Variants in PKD1L3 observed in about 807,000 individuals in gnomAD.
The protein encoded by PKD1L3 is polycystin-1-like protein 3.
A neutral mutation model predicts 184.1 loss-of-function variants in PKD1L3; 239 were observed. That is an observed-to-expected ratio of 1.30 (90% CI 1.17 to 1.45). PKD1L3 has a LOEUF of 1.45. PKD1L3 is among the 40% of genes most tolerant of loss of function. The pLI is 0.00. For missense variants in PKD1L3, 2,660 were observed against 2,067.2 expected (o/e 1.29, Z -5.56); for synonymous variants, 996 against 778.8 (o/e 1.28, Z -4.64).
At chr16:71,947,696 T>C (rs1597300108) in intron 21 of PKD1L3, 105 bp from the exon 22 acceptor site, 1 of 724,538 alleles carries the variant, frequency 1.4e-6, no homozygotes, top group South Asian at 1.9e-5. Context: ...CTTCAATTAT[T>C]TGGCTCTTCA....
chr16:71,929,990 C>A, intron 29 of PKD1L3, 62 bp downstream of exon 29: 2 of 1,474,422 alleles, frequency 1.4e-6, no homozygotes, highest in South Asian at 2.6e-5. Context: ...ATCTTAGGGG[C>A]AGTTACAGTG....
intron 2 of PKD1L3, among the ~76,000 whole-genome samples, chr16:71,994,569 A>C (rs1376785540): frequency 6.6e-6 from 1 of 152,072 alleles, no homozygotes; most frequent in African/African-American, 2.4e-5. Context: ...AAAACCCAGC[A>C]ACTTATATTG....
intron 29 of PKD1L3, 162 bp from the exon 30 acceptor site, chr16:71,929,840 G>A (rs984607715): frequency 2.4e-5 from 23 of 947,692 alleles, no homozygotes; most frequent in Admixed American, 6.0e-5. Context: ...TAATGGTTGC[G>A]AGCCAACTAT....
chr16:71,978,291 T>C lies in PKD1L3; in HGVS notation c.1491A>G (p.Lys497=), dbSNP rs2040005633. 1 of 1,550,482 alleles carries C rather than the reference T, an allele frequency of 6.4e-7. No homozygotes were observed. The highest frequency in any genetic ancestry group is 8.7e-7 in the Non-Finnish European group (1 of 1,146,230). The change falls in exon 10 of 30, where the codon AAA becomes AAG. Residue 497 remains lysine, a synonymous_variant. Coordinates refer to ENST00000620267, the MANE Select transcript of PKD1L3 (RefSeq NM_181536.2). ...CCATTAAATCATGGACTTGGAGCAA[T>C]TTACGATTAGCGCTTAGTAACACAC... ...IGSVLLSANR[K]LLQVHDLMED... is the part of the protein sequence containing the mutation.
intron 16 of PKD1L3, among the ~76,000 whole-genome samples, chr16:71,956,861 CATAA>C (rs1253686601): frequency 1.3e-5 from 2 of 152,206 alleles, no homozygotes; most frequent in South Asian, 2.1e-4. Context: ...TAAACATACA[CATAA>C]ATAAATATAT....
At chr16:71,957,341 C>T (rs1011205944) in intron 16 of PKD1L3, among the ~76,000 whole-genome samples, 8 of 151,968 alleles carry the variant, frequency 5.3e-5, no homozygotes, top group African/African-American at 1.7e-4. Flanking sequence ...AGCAAAATGG[C>T]AGATATAAAC....
At chr16:71,953,517 C>T (rs1308345113) in intron 17 of PKD1L3, among the ~76,000 whole-genome samples, 2 of 150,480 alleles carry the variant, frequency 1.3e-5, no homozygotes, top group Non-Finnish European at 2.9e-5. Context: ...AAGCACCTTA[C>T]CTGGCATTAA....
chr16:71,954,350 G>C (rs1300760709), intron 16 of PKD1L3, 49 bp from the exon 17 acceptor site: 26 of 1,405,592 alleles, frequency 1.8e-5, no homozygotes, highest in Admixed American at 4.8e-5. Flanking sequence ...TATTCTGAAA[G>C]TGCACCAGTT....
At chr16:71,960,186 A>G (rs2039219709) in intron 16 of PKD1L3, among the ~76,000 whole-genome samples, 1 of 151,630 alleles carries the variant, frequency 6.6e-6, no homozygotes, top group South Asian at 2.1e-4. Context: ...AAAACCAAAA[A>G]AAACTACAAA....
chr16:71,982,263 C>A (rs1372693203), intron 6 of PKD1L3, 28 bp from the exon 7 acceptor site: 2 of 1,303,452 alleles, frequency 1.5e-6, no homozygotes, highest in Non-Finnish European at 2.0e-6. Context: ...CAAACATACA[C>A]CCTTGAATTG....
intron 29 of PKD1L3, 60 bp downstream of exon 29, chr16:71,929,992 G>A: frequency 6.7e-7 from 1 of 1,489,170 alleles, no homozygotes. Flanking sequence ...CTTAGGGGCA[G>A]TTACAGTGGA....
intron 21 of PKD1L3, among the ~76,000 whole-genome samples, chr16:71,948,981 GA>G (rs1387237601): frequency 2.1e-4 from 32 of 151,936 alleles, no homozygotes; most frequent in African/African-American, 7.2e-4. Context: ...AAAAGATACA[GA>G]ACAGTCTGTA....
intron 7 of PKD1L3, 51 bp from the exon 8 acceptor site, chr16:71,980,185 G>C: frequency 6.6e-7 from 1 of 1,526,228 alleles, no homozygotes; most frequent in Non-Finnish European, 8.9e-7. Flanking sequence ...AGTGTCTTAT[G>C]TTAGTAAAAT....
chr16:71,969,846 C>A, intron 13 of PKD1L3, 29 bp downstream of exon 13: 1 of 1,520,832 alleles, frequency 6.6e-7, no homozygotes, highest in Non-Finnish European at 8.9e-7. Context: ...AACATCATGG[C>A]AAATCTGTTG....
intron 6 of PKD1L3, 109 bp from the exon 7 acceptor site, chr16:71,982,344 G>T: frequency 2.1e-6 from 2 of 971,674 alleles, no homozygotes; most frequent in Non-Finnish European, 2.8e-6. Context: ...AGAGTGCAAT[G>T]GCGTGATATC....
chr16:71,989,189 C>G (rs557495652), intron 4 of PKD1L3, among the ~76,000 whole-genome samples: 1 of 152,344 alleles, frequency 6.6e-6, no homozygotes, highest in Non-Finnish European at 1.5e-5. Flanking sequence ...CAGTCTCCCT[C>G]TGTCGCCCAA....
chr16:71,983,822 C>T (rs1389310386), intron 6 of PKD1L3, among the ~76,000 whole-genome samples: 2 of 151,576 alleles, frequency 1.3e-5, no homozygotes, highest in African/African-American at 2.4e-5. Context: ...CGCCACCGAG[C>T]CCAGCTAATT....
intron 3 of PKD1L3, among the ~76,000 whole-genome samples, chr16:71,992,253 G>A (rs571034083): frequency 2.6e-5 from 4 of 152,248 alleles, no homozygotes; most frequent in East Asian, 1.9e-4. Flanking sequence ...CCACAATAAG[G>A]CAGTCTACAT....
chr16:71,992,700 G>C (rs932890472), intron 3 of PKD1L3, among the ~76,000 whole-genome samples: 2 of 152,166 alleles, frequency 1.3e-5, no homozygotes, highest in African/African-American at 2.4e-5. Context: ...GATATTTAAA[G>C]GGTTTGTTGA....
Sources: allele counts gnomAD v4.1 joint callset (sites outside exome capture counted in the v4.1 genomes callset), GRCh38; gene constraint gnomAD v4.1.1; transcripts MANE v1.5; gene names NCBI Gene and HGNC (gene_info 2026-07-23, HGNC 2026-07-21).